PTPN7: variants seen among roughly 807,000 people sequenced by gnomAD.
The protein encoded by PTPN7 is protein tyrosine phosphatase non-receptor type 7.
In PTPN7, 33 loss-of-function variants were observed where a neutral mutation model predicts 50.3. That is an observed-to-expected ratio of 0.66 (90% CI 0.50 to 0.88). PTPN7 has a LOEUF of 0.88. Ranked by LOEUF, PTPN7 falls within the 40% of genes least tolerant of loss-of-function variation. PTPN7 has a pLI of 0.00. For missense variants in PTPN7, 412 were observed against 475.4 expected, an observed-to-expected ratio of 0.87 and a Z score of 1.24; for synonymous variants, 185 against 186.6, an observed-to-expected ratio of 0.99 and a Z score of 0.07.
At chr1:202,153,862 A>C (rs749846492) in intron 6 of PTPN7, 27 bp from the exon 7 acceptor site, 2 of 1,573,250 alleles carry the variant, frequency 1.3e-6, no homozygotes, top group African/African-American at 2.7e-5. Context: ...TGGGAGTCAG[A>C]AGAGGGTCAG....
chr1:202,161,524 G>A (rs1018248974), upstream of PTPN7: 3 of 1,289,378 alleles, frequency 2.3e-6, no homozygotes, highest in Admixed American at 6.9e-5. Flanking sequence ...CCTGACCTTG[G>A]CAGGCTCCTT....
In PTPN7 at chr1:202,151,667, G is replaced by A. The variant is rs144841231; in HGVS notation, c.875+875C>T. 5.8e-3 allele frequency among the ~76,000 whole-genome samples: 877 copies of A among 152,188 alleles called. 2 individuals carry two copies. The highest frequency in any genetic ancestry group is 9.0e-3 in the Non-Finnish European group (613 of 68,006). ...CGAGTAACTGGGATTACAGGCATGCGCCACCATGTGTGGCTAATTTTGTAT... is the reference window on the plus strand; with the variant it reads ...CGAGTAACTGGGATTACAGGCATGCACCACCATGTGTGGCTAATTTTGTAT... On this transcript the variant is annotated intron_variant, in intron 8 of 9. Transcript: ENST00000691036.
At chr1:202,154,498 G>A (rs74529619) in intron 5 of PTPN7, among the ~76,000 whole-genome samples, 175 bp from the exon 6 acceptor site, 2,770 of 152,312 alleles carry the variant, frequency 0.018, 43 homozygotes, top group Middle Eastern at 0.088. Flanking sequence ...TACGGGTTCT[G>A]GAATGAGGAT....
chr1:202,157,247 C>T (rs985238826), intron 4 of PTPN7, among the ~76,000 whole-genome samples: 3 of 152,182 alleles, frequency 2.0e-5, no homozygotes, highest in South Asian at 2.1e-4. Flanking sequence ...CGGTGGCTTA[C>T]GCCTGTAATC....
rs957535982 is a variant in PTPN7 at position 202,148,310 on chromosome 1, TTGTC to T, written c.*292_*295del. The T allele has an allele frequency of 1.3e-5, 4 of 306,650 alleles. No homozygotes were observed. Among genetic ancestry groups the T allele is most frequent in the South Asian group, 2.0e-4 (2 of 10,164 alleles). 19.0% of individuals were successfully genotyped at this position (306,650 alleles called of 1,614,324 possible). ...CACCAGGACACCTGGGCTTCTTTCT[TTGTC>T]TGTCATAAATGCCAGCTCCTGTCTT... On this transcript the variant is annotated 3_prime_UTR_variant, in exon 10 of 10. Coordinates refer to ENST00000691036, the MANE Select transcript of PTPN7 (RefSeq NM_002832.4).
intron 2 of PTPN7, 95 bp from the exon 3 acceptor site, chr1:202,158,396 G>T: frequency 1.5e-6 from 2 of 1,342,130 alleles, no homozygotes; most frequent in Non-Finnish European, 2.0e-6. Context: ...GTCTCTCTCT[G>T]TTGCCCAGGT....
At chr1:202,155,705 C>A in intron 4 of PTPN7, 96 bp from the exon 5 acceptor site, 1 of 1,074,390 alleles carries the variant, frequency 9.3e-7, no homozygotes. Context: ...CTGTGCTCAT[C>A]ACAGTCATAG....
Position 202,153,718 on chromosome 1 carries a change from G to A in PTPN7, c.717+7C>T, listed in dbSNP as rs763333155. The A allele has an allele frequency of 1.2e-6, 2 of 1,610,508 alleles. No individual in the cohort carries two copies. Among genetic ancestry groups the A allele is most frequent in the East Asian group, 4.5e-5 (2 of 44,836 alleles). On this transcript the variant is annotated splice_region_variant and intron_variant, in intron 7 of 9. Transcript: ENST00000691036. ...TCCCACTGGGCCTGGCTCCGGGGGG[G>A]TGGTACCTGGATGGTGAGCTGCCGC...
Sources: gnomAD v4.1 joint callset for allele counts (sites outside exome capture counted in the v4.1 genomes callset) on GRCh38, gnomAD v4.1.1 for gene constraint, MANE v1.5 for transcripts, NCBI Gene and HGNC (gene_info 2026-07-23, HGNC 2026-07-21) for gene names.